SDK1: variants seen among roughly 807,000 people sequenced by gnomAD.
SDK1 encodes sidekick cell adhesion molecule 1, also known as protein sidekick-1.
A neutral mutation model predicts 245.5 loss-of-function variants in SDK1; 157 were observed. The observed-to-expected ratio is 0.64, with a 90% CI of 0.56 to 0.73. The LOEUF is 0.73. Ranked by LOEUF, SDK1 falls within the 30% of genes least tolerant of loss-of-function variation. The pLI is 0.00. For synonymous variants in SDK1, 1,647 were observed against 1,278.5 expected, an observed-to-expected ratio of 1.29 and a Z score of -6.15; for missense variants, 3,583 against 3,002.3, an observed-to-expected ratio of 1.19 and a Z score of -4.52.
At chr7:3,935,760 G>T (rs967136601) in intron 5 of SDK1, among the ~76,000 whole-genome samples, 1 of 152,218 alleles carries the variant, frequency 6.6e-6, no homozygotes, top group Non-Finnish European at 1.5e-5. Flanking sequence ...TGGCAAGGAT[G>T]TGGAGAAACT....
intron 1 of SDK1, among the ~76,000 whole-genome samples, chr7:3,313,337 G>A (rs1779592840): frequency 6.6e-6 from 1 of 152,194 alleles, no homozygotes; most frequent in Admixed American, 6.5e-5. Flanking sequence ...AACCCTGGAG[G>A]CGGAGATTGG....
chr7:3,945,930 A>AAAAAAAAAAAAAAAAAAAT (rs1780559276), intron 5 of SDK1, among the ~76,000 whole-genome samples: 1 of 142,500 alleles, frequency 7.0e-6, no homozygotes, highest in African/African-American at 2.6e-5. Flanking sequence ...AAAAAAAAAA[A>AAAAAAAAAAAAAAAAAAAT]AAAGATAAAG....
chr7:3,518,269 G>A lies in SDK1; in HGVS notation c.299-100811G>A, dbSNP rs554234624. Among the ~76,000 whole-genome samples the A allele has an allele frequency of 2.0e-5, 3 of 152,018 alleles. No homozygotes were observed. In the South Asian group the frequency reaches 6.2e-4, roughly 32 times the overall value. ...TAAAGCATGAGCCTTTTCTCTTCAGGACATTGATCTGGGAAATAATTTTAT... is the reference window on the plus strand; with the variant it reads ...TAAAGCATGAGCCTTTTCTCTTCAGAACATTGATCTGGGAAATAATTTTAT... On this transcript the variant is annotated intron_variant, in intron 1 of 44. Transcript: ENST00000404826.
intron 1 of SDK1, among the ~76,000 whole-genome samples, chr7:3,506,833 TG>T (rs1446616857): frequency 9.2e-5 from 14 of 152,098 alleles, no homozygotes; most frequent in Admixed American, 7.9e-4. Flanking sequence ...TTACATGTCT[TG>T]TTTTTTTTTT....
At chr7:4,232,407 C>CTTTTTTTTTTTTTT (rs201396862) in intron 40 of SDK1, among the ~76,000 whole-genome samples, 103 of 73,146 alleles carry the variant, frequency 1.4e-3, no homozygotes, top group Middle Eastern at 8.6e-3. Context: ...CTTTTCTTTT[C>CTTTTTTTTTTTTTT]TTTCTTTTTT....
intron 17 of SDK1, among the ~76,000 whole-genome samples, chr7:4,042,562 G>A (rs1470209501): frequency 7.3e-6 from 1 of 137,618 alleles, no homozygotes; most frequent in African/African-American, 3.3e-5. Flanking sequence ...CATAACACCT[G>A]TCACGTTACC....
intron 1 of SDK1, among the ~76,000 whole-genome samples, chr7:3,412,559 C>G (rs1284231226): frequency 2.6e-5 from 4 of 152,214 alleles, no homozygotes; most frequent in African/African-American, 7.2e-5. Context: ...TGCTCTTACG[C>G]AGAGTGCTGC....
chr7:3,487,445 C>G (rs556033362), intron 1 of SDK1, among the ~76,000 whole-genome samples: 11 of 151,838 alleles, frequency 7.2e-5, no homozygotes, highest in African/African-American at 9.7e-5. Flanking sequence ...AAAAAAAAAT[C>G]TTAGAAATTG....
chr7:3,361,386 G>T lies in SDK1; in HGVS notation c.298+59502G>T, dbSNP rs191961657. Reference sequence around the variant, plus strand: ...CCTTGTTCTTCTATTCCACTTTCTTGTCCCACCTTCTGGTAACTGTGGTTC... The same window carrying T: ...CCTTGTTCTTCTATTCCACTTTCTTTTCCCACCTTCTGGTAACTGTGGTTC... On this transcript the variant is annotated intron_variant, in intron 1 of 44. Coordinates refer to ENST00000404826, the MANE Select transcript of SDK1 (RefSeq NM_152744.4). Among the ~76,000 whole-genome samples, 121 of 152,204 alleles carry T rather than the reference G, an allele frequency of 7.9e-4. 1 individual carries two copies. Among genetic ancestry groups the T allele is most frequent in the South Asian group, 2.7e-3 (13 of 4,820 alleles).
chr7:3,862,246 A>C (rs1316003497), intron 5 of SDK1, among the ~76,000 whole-genome samples: 2 of 152,192 alleles, frequency 1.3e-5, no homozygotes, highest in Non-Finnish European at 2.9e-5. Context: ...CACTCAGACC[A>C]ATTACATCAG....
At chr7:4,175,557 G>T (rs1782146060) in intron 33 of SDK1, among the ~76,000 whole-genome samples, 1 of 152,232 alleles carries the variant, frequency 6.6e-6, no homozygotes, top group Admixed American at 6.5e-5. Flanking sequence ...CCGGGACTGG[G>T]GTGCCTTGTT....
intron 1 of SDK1, among the ~76,000 whole-genome samples, chr7:3,315,610 C>A (rs1214952759): frequency 2.0e-5 from 3 of 152,146 alleles, no homozygotes; most frequent in African/African-American, 7.2e-5. Flanking sequence ...AAGAAATAGA[C>A]CAGCCTACTT....
intron 1 of SDK1, among the ~76,000 whole-genome samples, chr7:3,564,616 A>T (rs912096451): frequency 6.6e-6 from 1 of 152,310 alleles, no homozygotes; most frequent in East Asian, 1.9e-4. Flanking sequence ...AAAGCTAAAT[A>T]AAATGAATAA....
intron 1 of SDK1, among the ~76,000 whole-genome samples, chr7:3,453,463 G>C (rs560416776): frequency 1.4e-4 from 22 of 152,278 alleles, no homozygotes; most frequent in African/African-American, 5.3e-4. Flanking sequence ...GATTATCCTG[G>C]ATTATCTGGT....
intron 4 of SDK1, among the ~76,000 whole-genome samples, chr7:3,750,627 G>A (rs1175290343): frequency 1.3e-5 from 2 of 152,232 alleles, no homozygotes; most frequent in Non-Finnish European, 2.9e-5. Flanking sequence ...TGGAAAATGA[G>A]CAAGAGGAAG....
chr7:3,312,274 G>A (rs1172236475), intron 1 of SDK1, among the ~76,000 whole-genome samples: 1 of 152,126 alleles, frequency 6.6e-6, no homozygotes, highest in Non-Finnish European at 1.5e-5. Context: ...CTGACCTGCA[G>A]AGCAAATTAA....
chr7:3,629,464 A>G (rs1294223648), intron 2 of SDK1, among the ~76,000 whole-genome samples: 1 of 152,204 alleles, frequency 6.6e-6, no homozygotes, highest in Non-Finnish European at 1.5e-5. Context: ...CAAGAAGATT[A>G]GAGGCAATAG....
chr7:3,370,566 A>G (rs900503771), intron 1 of SDK1, among the ~76,000 whole-genome samples: 2 of 152,220 alleles, frequency 1.3e-5, no homozygotes, highest in African/African-American at 4.8e-5. Context: ...GTGGTGGACT[A>G]CTTGGGCCCG....
chr7:4,114,599 A>C (rs1012272815), intron 25 of SDK1, among the ~76,000 whole-genome samples: 1 of 152,238 alleles, frequency 6.6e-6, no homozygotes, highest in African/African-American at 2.4e-5. Context: ...TTAAAATACA[A>C]GGTATTCAGG....
Sources: allele counts gnomAD v4.1 joint callset (sites outside exome capture counted in the v4.1 genomes callset), GRCh38; gene constraint gnomAD v4.1.1; transcripts MANE v1.5; gene names NCBI Gene and HGNC (gene_info 2026-07-23, HGNC 2026-07-21).